Variants in RNF157 observed in about 807,000 individuals in gnomAD.
RNF157 encodes E3 ubiquitin ligase RNF157.
Under a neutral mutation model 88.3 loss-of-function variants are expected in RNF157, and 55 were observed. That is an observed-to-expected ratio of 0.62 (90% CI 0.50 to 0.78). The LOEUF (loss-of-function observed/expected upper bound fraction) is 0.78. Ranked by LOEUF, RNF157 falls within the 30% of genes least tolerant of loss-of-function variation. The probability of loss-of-function intolerance (pLI) is 0.00; values close to 1 mark genes in which losing one functional copy is unlikely to be tolerated. For missense variants in RNF157, 788 were observed against 860.8 expected, an observed-to-expected ratio of 0.92 and a Z score of 1.06; for synonymous variants, 334 against 341.2, an observed-to-expected ratio of 0.98 and a Z score of 0.23.
intron 14 of RNF157, 32 bp downstream of exon 14, chr17:76,156,178 G>A (rs767554386): frequency 3.9e-6 from 6 of 1,527,964 alleles, no homozygotes; most frequent in Admixed American, 1.7e-5. Context: ...TAAGGGGGAA[G>A]GACATGCAGC....
At chr17:76,165,104 C>T (rs1342303928) in intron 7 of RNF157, among the ~76,000 whole-genome samples, 4 of 151,986 alleles carry the variant, frequency 2.6e-5, no homozygotes, top group Non-Finnish European at 5.9e-5. Context: ...TGGGAAAAAC[C>T]ACAGTGTATA....
intron 1 of RNF157, among the ~76,000 whole-genome samples, chr17:76,221,522 G>C (rs1317053356): frequency 6.6e-6 from 1 of 152,114 alleles, no homozygotes; most frequent in Non-Finnish European, 1.5e-5. Context: ...GGAAAGTATG[G>C]CAACAGAAAA....
intron 18 of RNF157, among the ~76,000 whole-genome samples, chr17:76,148,075 T>A (rs567100124): frequency 1.3e-5 from 2 of 152,144 alleles, no homozygotes; most frequent in African/African-American, 4.8e-5. Context: ...AAATTTTCCT[T>A]AGTGCCCACA....
intron 1 of RNF157, among the ~76,000 whole-genome samples, chr17:76,220,385 TA>T (rs34888046): frequency 0.34 from 43,403 of 128,458 alleles, 6,869 homozygotes; most frequent in East Asian, 0.44. Context: ...TAATGATATC[TA>T]AAAAAAAAAA....
At chr17:76,226,028 G>A (rs1487164134) in intron 1 of RNF157, 1 of 1,611,260 alleles carries the variant, frequency 6.2e-7, no homozygotes, top group Non-Finnish European at 8.5e-7. Context: ...AGGATCGTAA[G>A]GTTTGGGGTG....
rs1284833320 is a variant in RNF157 at position 76,146,830 on chromosome 17, TAG to T, written c.1922-1479_1922-1478del. 1.0e-6 allele frequency: 1 copy of T among 985,292 alleles called. No homozygotes were observed. The allele number at this position is 985,292 out of a possible 1,614,324, so 61.0% of individuals were successfully genotyped here. A position where few individuals can be genotyped will look rare whatever the true frequency, so the allele number is the denominator to read the frequency against. ...TTCAGCGGACAAGGCCGACCAACTG[TAG>T]AGTGTGGCCGTGAGGTTGAGAGAGG... On this transcript the variant is annotated intron_variant, in intron 18 of 18. Transcript: ENST00000269391. The surrounding 1 kb of genome is among the most constrained non-coding windows in gnomAD (Gnocchi z 4.2).
chr17:76,165,444 G>T, intron 7 of RNF157, 58 bp downstream of exon 7: 1 of 1,568,646 alleles, frequency 6.4e-7, no homozygotes. Context: ...GGTTACATGT[G>T]TCTCACACGA....
At chr17:76,178,325 G>T (rs577043778) in intron 2 of RNF157, among the ~76,000 whole-genome samples, 65 of 152,362 alleles carry the variant, frequency 4.3e-4, no homozygotes, top group African/African-American at 1.5e-3. Context: ...GCTGCTTGCA[G>T]TGCACCTGGT....
chr17:76,234,380 T>G (rs2070246032), intron 1 of RNF157, among the ~76,000 whole-genome samples: 1 of 152,196 alleles, frequency 6.6e-6, no homozygotes, highest in Non-Finnish European at 1.5e-5. Context: ...TCATTTTTCT[T>G]GAGCGTATAC....
At position 76,154,316 on chromosome 17, in the gene RNF157, T is replaced by C. The variant is rs2068727994; in HGVS notation, c.1777A>G (p.Ile593Val). The C allele has an allele frequency of 6.2e-7, 1 of 1,611,912 alleles. No homozygotes were observed. The highest frequency in any genetic ancestry group is 8.5e-7 in the Non-Finnish European group (1 of 1,178,092). Reference sequence around the variant, plus strand: ...GTGGGTGATCCATCCTCTTCCTCTATAACATCATTTCCCTAGGACAGAAGG... The same window carrying C: ...GTGGGTGATCCATCCTCTTCCTCTACAACATCATTTCCCTAGGACAGAAGG... ...GEQDAEGNDV[I>V]EEEDGSPTQE... The change falls in exon 17 of 19, where the codon ATA becomes GTA. Residue 593 changes from isoleucine (I) to valine (V), a missense_variant. By Grantham distance (29) the Ile-to-Val change is conservative (BLOSUM62 3). Transcript: ENST00000269391.
intron 2 of RNF157, among the ~76,000 whole-genome samples, chr17:76,202,128 T>TCTCTCTCTCTCTCTCACA (rs1250661867): frequency 8.2e-5 from 11 of 134,604 alleles, no homozygotes; most frequent in Admixed American, 2.9e-4. Context: ...TCTCTCTCTC[T>TCTCTCTCTCTCTCTCACA]CACACACACA....
chr17:76,187,990 T>C (rs1050611925), intron 2 of RNF157, among the ~76,000 whole-genome samples: 1 of 152,214 alleles, frequency 6.6e-6, no homozygotes, highest in Non-Finnish European at 1.5e-5. Context: ...AAGGTGGCAC[T>C]TGTTCCGTTT....
intron 12 of RNF157, among the ~76,000 whole-genome samples, chr17:76,158,972 AT>A (rs2068807708): frequency 6.6e-6 from 1 of 152,084 alleles, no homozygotes; most frequent in African/African-American, 2.4e-5. Flanking sequence ...GCCTAGCTGG[AT>A]TTAGATGTTT....
chr17:76,230,687 A>G (rs1032834972), intron 1 of RNF157, among the ~76,000 whole-genome samples: 4 of 151,772 alleles, frequency 2.6e-5, no homozygotes, highest in African/African-American at 9.7e-5. Flanking sequence ...AAAATACAAA[A>G]ATTAGCCAGG....
chr17:76,214,692 G>T (rs1176986155), intron 1 of RNF157, among the ~76,000 whole-genome samples: 1 of 152,148 alleles, frequency 6.6e-6, no homozygotes, highest in African/African-American at 2.4e-5. Flanking sequence ...CAGAACTGCT[G>T]GGACATCAGT....
chr17:76,217,162 A>C (rs1490072906), intron 1 of RNF157, among the ~76,000 whole-genome samples: 2 of 151,960 alleles, frequency 1.3e-5, no homozygotes, highest in Non-Finnish European at 2.9e-5. Context: ...CCAAACCTTC[A>C]TCTATTTTTT....
chr17:76,149,676 A>G (rs2144793419), intron 18 of RNF157, among the ~76,000 whole-genome samples: 1 of 152,304 alleles, frequency 6.6e-6, no homozygotes, highest in Non-Finnish European at 1.5e-5. Flanking sequence ...CCTCTCAAGT[A>G]AAAAGGCAAC....
At position 76,157,765 on chromosome 17, in the gene RNF157, A is replaced by C. The variant is rs559535117; in HGVS notation, c.1413+628T>G. On this transcript the variant is annotated intron_variant, in intron 13 of 18. Coordinates refer to ENST00000269391, the MANE Select transcript of RNF157 (RefSeq NM_052916.3). The surrounding 1 kb of genome is among the most constrained non-coding windows in gnomAD (Gnocchi z 5.6). ...TACCTTCCTGTGCCCTGCTGTATCT[A>C]GCTCAGTGCCCTACAGAGAGAAGCT... Among the ~76,000 whole-genome samples, 2 of 152,148 alleles carry C rather than the reference A, an allele frequency of 1.3e-5. No individual in the cohort carries two copies. Among genetic ancestry groups the C allele is most frequent in the African/African-American group, 4.8e-5 (2 of 41,494 alleles).
chr17:76,224,328 ATT>A (rs1338520475), intron 1 of RNF157, among the ~76,000 whole-genome samples: 2 of 152,192 alleles, frequency 1.3e-5, no homozygotes, highest in East Asian at 1.9e-4. Context: ...ATATTGTGAC[ATT>A]TGTTAGCAAA....
Sources: gnomAD v4.1 joint callset for allele counts (sites outside exome capture counted in the v4.1 genomes callset) on GRCh38, gnomAD v4.1.1 for gene constraint, Gnocchi (gnomAD v3.1) non-coding constraint, MANE v1.5 for transcripts, NCBI Gene and HGNC (gene_info 2026-07-23, HGNC 2026-07-21) for gene names.